Variants in RUNX2 observed in about 807,000 individuals in gnomAD.
The protein encoded by RUNX2 is runt-related transcription factor 2.
In RUNX2, 10 loss-of-function variants were observed where a neutral mutation model predicts 51.7. The ratio of observed to expected loss-of-function variants is 0.19; its 90% CI spans 0.12 to 0.33. The LOEUF (loss-of-function observed/expected upper bound fraction) is 0.33, where lower values mean the gene tolerates loss of function less well. Ranked by LOEUF, RUNX2 falls within the 10% of genes least tolerant of loss-of-function variation. The probability of loss-of-function intolerance (pLI) is 1.00; values close to 1 mark genes in which losing one functional copy is unlikely to be tolerated. For synonymous variants in RUNX2, 276 were observed against 273.6 expected, an observed-to-expected ratio of 1.01 and a Z score of -0.09; for missense variants, 562 against 691.3, an observed-to-expected ratio of 0.81 and a Z score of 2.10.
intron 2 of RUNX2, among the ~76,000 whole-genome samples, chr6:45,400,603 T>G (rs1797693279): frequency 1.3e-5 from 2 of 152,336 alleles, no homozygotes; most frequent in South Asian, 4.1e-4. Flanking sequence ...TGTGATCACC[T>G]CTAGTTCTAA....
At chr6:45,524,708 A>G (rs1205979472) in intron 7 of RUNX2, among the ~76,000 whole-genome samples, 1 of 152,244 alleles carries the variant, frequency 6.6e-6, no homozygotes, top group Non-Finnish European at 1.5e-5. Context: ...CAGGTTTGGA[A>G]AAGAGGAAAA....
At chr6:45,423,998 T>C (rs905570287) in intron 3 of RUNX2, among the ~76,000 whole-genome samples, 1 of 152,268 alleles carries the variant, frequency 6.6e-6, no homozygotes, top group Admixed American at 6.5e-5. Flanking sequence ...GCTTTATTAT[T>C]ATTTTTAAAG....
At chr6:45,344,659 T>C (rs1043739461) in intron 2 of RUNX2, among the ~76,000 whole-genome samples, 16 of 152,146 alleles carry the variant, frequency 1.1e-4, no homozygotes, top group Admixed American at 9.2e-4. Flanking sequence ...GTCAAAAGCA[T>C]GTTAACTTTT....
At chr6:45,514,252 G>A (rs1268349281) in intron 7 of RUNX2, among the ~76,000 whole-genome samples, 1 of 152,188 alleles carries the variant, frequency 6.6e-6, no homozygotes, top group Non-Finnish European at 1.5e-5. Context: ...CTGCATAAAT[G>A]AGTAGTCGTC....
chr6:45,364,486 T>C (rs1338771983), intron 2 of RUNX2, among the ~76,000 whole-genome samples: 1 of 152,152 alleles, frequency 6.6e-6, no homozygotes, highest in Non-Finnish European at 1.5e-5. Flanking sequence ...CACTATAATA[T>C]CTTGCCCCCC....
intron 7 of RUNX2, among the ~76,000 whole-genome samples, chr6:45,525,577 C>T (rs1563124110): frequency 6.6e-6 from 1 of 152,154 alleles, no homozygotes; most frequent in East Asian, 1.9e-4. Context: ...TAAGCGTGAA[C>T]TGAGTTAATT....
intron 5 of RUNX2, among the ~76,000 whole-genome samples, chr6:45,455,470 G>A (rs917386474): frequency 5.3e-5 from 8 of 152,062 alleles, no homozygotes; most frequent in Non-Finnish European, 8.8e-5. Context: ...TTATTTCTAC[G>A]TTAATTGAGC....
chr6:45,397,148 G>T (rs563275504), intron 2 of RUNX2, among the ~76,000 whole-genome samples: 1 of 151,052 alleles, frequency 6.6e-6, no homozygotes, highest in African/African-American at 2.4e-5. Context: ...CTGTCGCCCA[G>T]GCTGGAGTGC....
At chr6:45,511,669 G>T (rs2150420705) in intron 6 of RUNX2, among the ~76,000 whole-genome samples, 1 of 152,190 alleles carries the variant, frequency 6.6e-6, no homozygotes, top group East Asian at 1.9e-4. Flanking sequence ...TTCACCCCAT[G>T]CTAGAAAGGG....
intron 5 of RUNX2, among the ~76,000 whole-genome samples, chr6:45,459,705 A>G (rs2150385603): frequency 6.6e-6 from 1 of 152,380 alleles, no homozygotes; most frequent in Middle Eastern, 3.4e-3. Flanking sequence ...GGGAGACAAT[A>G]AGCAAACAAA....
intron 5 of RUNX2, among the ~76,000 whole-genome samples, chr6:45,474,871 G>T (rs1055687499): frequency 6.6e-6 from 1 of 152,090 alleles, no homozygotes; most frequent in Admixed American, 6.5e-5. Context: ...AACACTTACT[G>T]GGTACCTACC....
At chr6:45,361,911 C>T (rs377345444) in intron 2 of RUNX2, among the ~76,000 whole-genome samples, 1 of 152,052 alleles carries the variant, frequency 6.6e-6, no homozygotes, top group African/African-American at 2.4e-5. Context: ...ATCAGCCTGG[C>T]GTGGTAGCGC....
intron 5 of RUNX2, among the ~76,000 whole-genome samples, chr6:45,445,568 GCCCTTAACTT>G (rs988738667): frequency 1.3e-5 from 2 of 152,132 alleles, no homozygotes; most frequent in African/African-American, 4.8e-5. Flanking sequence ...TAGTAGAGAA[GCCCTTAACTT>G]CCTGACTTTC....
At chr6:45,441,226 T>C (rs1241027413) in intron 5 of RUNX2, among the ~76,000 whole-genome samples, 1 of 152,204 alleles carries the variant, frequency 6.6e-6, no homozygotes, top group Non-Finnish European at 1.5e-5. Context: ...GTTCCTGTTG[T>C]TGGAATTTCA....
rs564913641 is a variant in RUNX2, at chr6:45,392,748, A to T, written c.59-29845A>T. ...TATTTATGCTGTTTGGTGTTCTCTG[A>T]GCTTCCTAGTCTAAGGTTTAGTGTC... On this transcript the variant is annotated intron_variant, in intron 2 of 8. Transcript: ENST00000647337. Among the ~76,000 whole-genome samples the T allele has an allele frequency of 7.9e-5, 12 of 151,328 alleles. No individual in the cohort carries two copies. The East Asian group carries it at 2.3e-3, about 29-fold the overall frequency.
intron 5 of RUNX2, among the ~76,000 whole-genome samples, chr6:45,468,088 A>T (rs1372376327): frequency 6.6e-6 from 1 of 152,150 alleles, no homozygotes; most frequent in Non-Finnish European, 1.5e-5. Flanking sequence ...CTGTTTCCCT[A>T]TGCCCAGAAT....
rs11498200 is a variant in RUNX2 at position 45,492,006 on chromosome 6, C to T, written c.751C>T (p.Arg251Cys). Residue 251 changes from arginine to cysteine, a missense_variant, in exon 6 of 9, where the codon CGC (arginine) becomes TGC (cysteine). This residue lies in a region of RUNX2 where 304 missense variants were observed against 353.2 expected (regional missense o/e 0.86). Transcript: ENST00000647337. ...CTCTGACCGCCTCAGTGATTTAGGG[C>T]GCATTCCTCATCCCAGTATGAGAGT... ...LFSDRLSDLG[R>C]IPHPSMRVGV... 61 of 1,613,802 alleles carry T rather than the reference C, an allele frequency of 3.8e-5. No homozygotes were observed. The highest frequency in any genetic ancestry group is 4.7e-5 in the Non-Finnish European group (56 of 1,179,914).
At chr6:45,397,362 G>A (rs934028487) in intron 2 of RUNX2, among the ~76,000 whole-genome samples, 5 of 151,716 alleles carry the variant, frequency 3.3e-5, no homozygotes, top group African/African-American at 7.3e-5. Context: ...GCCCACCTCC[G>A]CCTCCCAAAG....
intron 5 of RUNX2, among the ~76,000 whole-genome samples, chr6:45,488,371 T>G (rs895395049): frequency 1.3e-5 from 2 of 152,196 alleles, no homozygotes; most frequent in Non-Finnish European, 2.9e-5. Context: ...TTGAATATAC[T>G]GCATTTAAGA....
Sources: gnomAD v4.1 joint callset for allele counts (sites outside exome capture counted in the v4.1 genomes callset) on GRCh38, gnomAD v4.1.1 for gene constraint, gnomAD v4.1.1 regional missense constraint, MANE v1.5 for transcripts, NCBI Gene and HGNC (gene_info 2026-07-23, HGNC 2026-07-21) for gene names.